The following C22orf42 variants were observed in gnomAD, a reference collection of about 807,000 sequenced individuals.
The protein encoded by C22orf42 is uncharacterized protein C22orf42.
A neutral mutation model predicts 31.4 loss-of-function variants in C22orf42; 24 were observed. That is an observed-to-expected ratio of 0.77 (90% CI 0.55 to 1.08). The LOEUF is 1.08. Among genes scored for constraint, C22orf42 ranks in the 50% least tolerant of loss-of-function variants. The pLI is 0.00. For synonymous variants in C22orf42, 96 were observed against 112.7 expected, an observed-to-expected ratio of 0.85 and a Z score of 0.94; for missense variants, 276 against 327.3, an observed-to-expected ratio of 0.84 and a Z score of 1.21.
chr22:32,159,278 C>A lies in C22orf42; in HGVS notation c.-63G>T. The A allele has an allele frequency of 6.3e-7, 1 of 1,578,702 alleles. No homozygotes were observed. The highest frequency in any genetic ancestry group is 8.6e-7 in the Non-Finnish European group (1 of 1,167,036). ...AGGACAGAATGTAGTCGGAGCTCCT[C>A]CTCCTTCTACGGCCAGCTACCGACT... is the stretch of plus-strand genomic sequence containing the variant. On this transcript the variant is annotated 5_prime_UTR_variant, in exon 1 of 9. Coordinates refer to ENST00000382097, the MANE Select transcript of C22orf42 (RefSeq NM_001010859.3).
At position 32,149,486 on chromosome 22, in the gene C22orf42, A is replaced by G. The variant is rs923689098; in HGVS notation, c.*54T>C. On this transcript the variant is annotated 3_prime_UTR_variant, in exon 9 of 9. Transcript: ENST00000382097. ...CCAGATGGAAATATGCATTCATAAA[A>G]TGATTTGAGCTGGGCGTGATGGCAG... is the stretch of plus-strand genomic sequence containing the variant. The G allele has an allele frequency of 3.9e-5, 58 of 1,475,072 alleles. No individual in the cohort carries two copies. The highest frequency in any genetic ancestry group is 2.0e-4 in the East Asian group (8 of 39,882). 91.4% of individuals were successfully genotyped at this position (1,475,072 alleles called of 1,614,324 possible).
Position 32,154,199 on chromosome 22 carries a change from G to A in C22orf42, c.307+45C>T, listed in dbSNP as rs777669186. The A allele has an allele frequency of 5.0e-6, 8 of 1,606,736 alleles. No homozygotes were observed. The South Asian group carries it at 8.9e-5, about 18-fold the overall frequency. On this transcript the variant is annotated intron_variant, in intron 2 of 8. Transcript: ENST00000382097. Reference sequence around the variant, plus strand: ...TATGGAGCACTGAATGAATAAACTGGAATTGTTTGCTTAAATGAACTTAAT... The same window carrying A: ...TATGGAGCACTGAATGAATAAACTGAAATTGTTTGCTTAAATGAACTTAAT...
At chr22:32,159,368 G>A (rs1921473965), upstream of C22orf42, 6 of 1,434,024 alleles carry the variant, frequency 4.2e-6, no homozygotes, top group East Asian at 1.5e-4. Context: ...TGGTTGCCAG[G>A]AAACAACCAA....
intron 1 of C22orf42, among the ~76,000 whole-genome samples, chr22:32,156,654 T>G (rs1286967789): frequency 1.5e-5 from 2 of 137,016 alleles, no homozygotes; most frequent in Non-Finnish European, 3.1e-5. Context: ...GTGTAACCTA[T>G]CTTGGGAATC....
chr22:32,152,419 T>C lies in C22orf42; in HGVS notation c.372+143A>G, dbSNP rs1921012824. On this transcript the variant is annotated intron_variant, in intron 3 of 8. Transcript: ENST00000382097. ...TCGTCAATCAGGCCTCAGTTGGTCA[T>C]AACCTCCAGTGACCGGTCTCTAGAG... 6 of 742,056 alleles carry C rather than the reference T, an allele frequency of 8.1e-6. 1 individual carries two copies. In the South Asian group the frequency reaches 1.0e-4, roughly 13 times the overall value. 46.0% of individuals were successfully genotyped at this position (742,056 alleles called of 1,614,324 possible). A position where few individuals can be genotyped will look rare whatever the true frequency, so the allele number is the denominator to read the frequency against.
intron 6 of C22orf42, chr22:32,150,723 C>T (rs536466613): frequency 4.8e-6 from 3 of 625,044 alleles, no homozygotes; most frequent in East Asian, 5.5e-5. Flanking sequence ...ACCTTAAGAA[C>T]CAGTTAATAC....
In C22orf42 at chr22:32,150,390, CA is replaced by C. The variant is rs1339444693; in HGVS notation, c.582del (p.Glu195LysfsTer4). ...CTGAGACCTGATGTCATGAAGTCTT[CA>C]AGAGAGACAGATAGGCTTTCACTGA... The part of the protein sequence containing the change: ...SDLSESLSVS[L>X]EDFMTSGLSE... On this transcript the variant is annotated frameshift_variant, in exon 7 of 9. Coordinates refer to ENST00000382097, the MANE Select transcript of C22orf42 (RefSeq NM_001010859.3). LOFTEE classifies it high-confidence loss of function. 4.3e-6 allele frequency: 7 copies of C among 1,613,962 alleles called. No homozygotes were observed. The African/African-American group carries it at 9.3e-5, about 22-fold the overall frequency.
rs141458577 is a variant in C22orf42 at position 32,151,505 on chromosome 22, C to A, written c.447G>T (p.Glu149Asp). 95 of 1,613,838 alleles carry A rather than the reference C, an allele frequency of 5.9e-5. No individual in the cohort carries two copies. In the African/African-American group the frequency reaches 1.2e-3, roughly 20 times the overall value. ...VQVSAHGGVE[E>D]NITSDIEISE... The stretch of plus-strand genomic sequence containing the variant: ...ATCTTACAATATCTGACGTTATATT[C>A]TCCTCCACACCGCCGTGTGCAGACA... The change falls in exon 5 of 9, where the codon GAG becomes GAT. Residue 149 changes from glutamate to aspartate, a missense_variant. Transcript: ENST00000382097.
intron 1 of C22orf42, among the ~76,000 whole-genome samples, chr22:32,156,017 T>C (rs1464348333): frequency 4.6e-5 from 7 of 152,186 alleles, no homozygotes; most frequent in Non-Finnish European, 1.0e-4. Flanking sequence ...GCCTGGGTGA[T>C]AAAGCAAGAC....
intron 5 of C22orf42, among the ~76,000 whole-genome samples, chr22:32,151,265 A>G (rs144093351): frequency 0.042 from 6,376 of 152,148 alleles, 456 homozygotes; most frequent in African/African-American, 0.15. Context: ...GTTGCTACTG[A>G]GAAATACACT....
intron 1 of C22orf42, among the ~76,000 whole-genome samples, chr22:32,157,444 G>A (rs1921326518): frequency 6.6e-6 from 1 of 151,212 alleles, no homozygotes. Flanking sequence ...ATTTCACTCT[G>A]CTGCAGCCAC....
chr22:32,151,546 T>C lies in C22orf42; in HGVS notation c.406A>G (p.Thr136Ala), dbSNP rs1233649958. 6.2e-7 allele frequency: 1 copy of C among 1,613,802 alleles called. No individual in the cohort carries two copies. Among genetic ancestry groups the C allele is most frequent in the African/African-American group, 1.3e-5 (1 of 75,048 alleles). Reference sequence around the variant, plus strand: ...TGTGCAGACACCTGCACATCTTCAGTGGGACCTAGGAGAACACAGAGTGAC... The same window carrying C: ...TGTGCAGACACCTGCACATCTTCAGCGGGACCTAGGAGAACACAGAGTGAC... ...IPEAKHDHRPTEDVQVSAHGG... is the reference protein window; with the variant it reads ...IPEAKHDHRPAEDVQVSAHGG... Residue 136 changes from threonine (T) to alanine (A), a missense_variant, in exon 5 of 9, where the codon ACT becomes GCT. Thr to Ala is a moderately conservative substitution (Grantham distance 58). Transcript: ENST00000382097.
rs539979152 is a variant in C22orf42 at position 32,149,275 on chromosome 22, A to G, written c.*265T>C. The G allele has an allele frequency of 2.7e-4, 64 of 233,972 alleles. No individual in the cohort carries two copies. The highest frequency in any genetic ancestry group is 4.4e-4 in the Non-Finnish European group (53 of 121,476). 14.5% of individuals were successfully genotyped at this position (233,972 alleles called of 1,614,324 possible). A position where few individuals can be genotyped will look rare whatever the true frequency, so the allele number is the denominator to read the frequency against. On this transcript the variant is annotated 3_prime_UTR_variant, in exon 9 of 9. Transcript: ENST00000382097. The stretch of plus-strand genomic sequence containing the variant: ...CCAGCTCTTCAGATGCAGCAGATGG[A>G]TTGACCCACTCTGTAATGACCCAGG...
chr22:32,156,868 A>G (rs538489272), intron 1 of C22orf42, among the ~76,000 whole-genome samples: 35 of 152,186 alleles, frequency 2.3e-4, no homozygotes, highest in Non-Finnish European at 3.8e-4. Flanking sequence ...AAATGCCTCA[A>G]AGTAGGATTT....
At position 32,151,559 on chromosome 22, in the gene C22orf42, A is replaced by G; in HGVS notation, c.401-8T>C. ...GCACATCTTCAGTGGGACCTAGGAG[A>G]ACACAGAGTGACAGTCAGTGCATTG... On this transcript the variant is annotated splice_region_variant and splice_polypyrimidine_tract_variant and intron_variant, in intron 4 of 8. Coordinates refer to ENST00000382097, the MANE Select transcript of C22orf42 (RefSeq NM_001010859.3). 1 of 1,613,586 alleles carries G rather than the reference A, an allele frequency of 6.2e-7. No individual in the cohort carries two copies. The highest frequency in any genetic ancestry group is 1.1e-5 in the South Asian group (1 of 91,058).
chr22:32,150,515 T>G, intron 6 of C22orf42, 36 bp from the exon 7 acceptor site: 1 of 1,610,100 alleles, frequency 6.2e-7, no homozygotes, highest in Non-Finnish European at 8.5e-7. Context: ...GCATTGGTGC[T>G]GCTGAGGAAT....
At chr22:32,151,406 A>G (rs1920975065) in intron 5 of C22orf42, 81 bp downstream of exon 5, 2 of 1,421,234 alleles carry the variant, frequency 1.4e-6, no homozygotes, top group Non-Finnish European at 2.0e-6. Context: ...ATGGCAGTCA[A>G]AAATGATATT....
intron 5 of C22orf42, among the ~76,000 whole-genome samples, 180 bp from the exon 6 acceptor site, chr22:32,151,199 T>A (rs1395404982): frequency 6.6e-6 from 1 of 152,028 alleles, no homozygotes; most frequent in Admixed American, 6.5e-5. Flanking sequence ...TTTTTTGGAA[T>A]ATTTAGCAAG....
At position 32,157,878 on chromosome 22, in the gene C22orf42, C is replaced by A. The variant is rs1211563123; in HGVS notation, c.232+1106G>T. On this transcript the variant is annotated intron_variant, in intron 1 of 8. Transcript: ENST00000382097. The stretch of plus-strand genomic sequence containing the variant: ...GCTCACACCTCCCTGCTGCTGCCCA[C>A]CTTGTGGCCACCCTGTCCCTCTGTG... 3.3e-5 allele frequency among the ~76,000 whole-genome samples: 5 copies of A among 152,294 alleles called. No individual in the cohort carries two copies. In the East Asian group the frequency reaches 9.6e-4, roughly 29 times the overall value.
Sources: allele counts gnomAD v4.1 joint callset (sites outside exome capture counted in the v4.1 genomes callset), GRCh38; gene constraint gnomAD v4.1.1; transcripts MANE v1.5; gene names NCBI Gene and HGNC (gene_info 2026-07-23, HGNC 2026-07-21).